Variants in WDR36 observed in about 807,000 individuals in gnomAD.
The protein encoded by WDR36 is WD repeat domain 36.
In WDR36, 63 loss-of-function variants were observed where a neutral mutation model predicts 112.7. The ratio of observed to expected loss-of-function variants is 0.56; its 90% CI spans 0.46 to 0.69. WDR36 has a LOEUF of 0.69. Ranked by LOEUF, WDR36 falls within the 30% of genes least tolerant of loss-of-function variation. The pLI is 0.00. For missense variants in WDR36, 1,226 were observed against 1,070.3 expected (o/e 1.15, Z -2.03); for synonymous variants, 410 against 362.2 (o/e 1.13, Z -1.50).
chr5:111,108,769 T>A (rs1475653359), intron 12 of WDR36, among the ~76,000 whole-genome samples: 1 of 151,286 alleles, frequency 6.6e-6, no homozygotes, highest in East Asian at 1.9e-4. Context: ...CTAAGATCAA[T>A]GAAGCGAGTA....
Position 111,110,174 on chromosome 5 carries a change from T to G in WDR36, c.1327-15T>G. 1.3e-6 allele frequency: 2 copies of G among 1,582,388 alleles called. No individual in the cohort carries two copies. Among genetic ancestry groups the G allele is most frequent in the South Asian group, 1.1e-5 (1 of 90,350 alleles). On this transcript the variant is annotated splice_polypyrimidine_tract_variant and intron_variant, in intron 12 of 22. Transcript: ENST00000513710. ...TGTTAGTTATTTTGTCATTTGTGGG[T>G]TTTTTTTCTTAAAGGCAGTGGATAT...
intron 17 of WDR36, 76 bp downstream of exon 17, chr5:111,119,196 C>A: frequency 2.6e-6 from 3 of 1,161,806 alleles, no homozygotes; most frequent in South Asian, 1.2e-5. Flanking sequence ...CTAAAATTGT[C>A]ATTTAGGCTG....
At chr5:111,113,407 C>G (rs552659904) in intron 16 of WDR36, among the ~76,000 whole-genome samples, 2 of 148,922 alleles carry the variant, frequency 1.3e-5, no homozygotes, top group East Asian at 3.9e-4. Flanking sequence ...GATACAGAAG[C>G]GAGATGCCTA....
chr5:111,104,404 G>A, intron 8 of WDR36, 52 bp downstream of exon 8: 1 of 1,606,208 alleles, frequency 6.2e-7, no homozygotes, highest in Non-Finnish European at 8.5e-7. Context: ...TACCCTTTGG[G>A]TTATTACAAG....
Position 111,126,640 on chromosome 5 carries a change from G to A in WDR36, c.2539-94G>A, listed in dbSNP as rs1360649500. 7 of 1,347,700 alleles carry A rather than the reference G, an allele frequency of 5.2e-6. No individual in the cohort carries two copies. The Admixed American group carries it at 5.4e-5, about 10-fold the overall frequency. The allele number at this position is 1,347,700 out of a possible 1,614,324, so 83.5% of individuals were successfully genotyped here. On this transcript the variant is annotated intron_variant, in intron 22 of 22. Transcript: ENST00000513710. The stretch of plus-strand genomic sequence containing the variant: ...GCTTAAGAAAACAAATATTCACCTA[G>A]TGTCTTTTGTGGTTCCTTGGTAGAA...
Position 111,126,878 on chromosome 5 carries a change from T to C in WDR36, c.2683T>C (p.Leu895=). 1.3e-6 allele frequency: 2 copies of C among 1,598,262 alleles called. No individual in the cohort carries two copies. The highest frequency in any genetic ancestry group is 1.7e-6 in the Non-Finnish European group (2 of 1,172,478). ...CILNYLKSAL[L] ...TTTAAATTATCTCAAAAGTGCTTTG[T>C]TGTAAAAATAAATTTGTGACTAAAC... Residue 895 remains leucine, a synonymous_variant, in exon 23 of 23, where the codon TTG becomes CTG. Transcript: ENST00000513710.
chr5:111,100,408 C>G (rs1304778454), intron 4 of WDR36, among the ~76,000 whole-genome samples, 181 bp from the exon 5 acceptor site: 1 of 151,772 alleles, frequency 6.6e-6, no homozygotes, highest in African/African-American at 2.4e-5. Flanking sequence ...ATTACATTTA[C>G]AAGTTGCCTC....
At chr5:111,122,722 C>T (rs965576852) in intron 19 of WDR36, among the ~76,000 whole-genome samples, 1 of 152,176 alleles carries the variant, frequency 6.6e-6, no homozygotes, top group South Asian at 2.1e-4. Flanking sequence ...TAGAATGTCT[C>T]CCTAGGGCGG....
chr5:111,114,175 TTAAG>T (rs1310569531), intron 16 of WDR36, among the ~76,000 whole-genome samples: 1 of 152,166 alleles, frequency 6.6e-6, no homozygotes, highest in East Asian at 1.9e-4. Context: ...TTGTTAAAAA[TTAAG>T]TAGGTATAGA....
At chr5:111,115,051 A>G (rs2112582882) in intron 16 of WDR36, among the ~76,000 whole-genome samples, 2 of 152,322 alleles carry the variant, frequency 1.3e-5, no homozygotes, top group South Asian at 2.1e-4. Context: ...ACAGATTCAA[A>G]TCTGATAGAT....
intron 14 of WDR36, 39 bp downstream of exon 14, chr5:111,110,992 T>C (rs1182243339): frequency 6.2e-7 from 1 of 1,607,762 alleles, no homozygotes; most frequent in Admixed American, 1.7e-5. Context: ...CTTTGATTCT[T>C]TTGGTAAAAG....
chr5:111,120,687 A>G lies in WDR36; in HGVS notation c.2002+94A>G, dbSNP rs1753546275. 5.8e-6 allele frequency: 6 copies of G among 1,037,620 alleles called. No homozygotes were observed. The East Asian group carries it at 7.2e-5, about 12-fold the overall frequency. 64.3% of individuals were successfully genotyped at this position (1,037,620 alleles called of 1,614,324 possible). ...CCAAAGGCAAAGTTTAGTGCATTCA[A>G]TCAAAGTGTTTTTTAACTGATATAA... On this transcript the variant is annotated intron_variant, in intron 18 of 22. Transcript: ENST00000513710.
intron 2 of WDR36, among the ~76,000 whole-genome samples, chr5:111,096,175 G>A (rs1752974372): frequency 6.6e-6 from 1 of 152,150 alleles, no homozygotes; most frequent in Non-Finnish European, 1.5e-5. Flanking sequence ...AGGTCAGTGT[G>A]ACCAGGATAC....
chr5:111,093,382 C>T (rs1752909810), intron 1 of WDR36, among the ~76,000 whole-genome samples: 2 of 152,142 alleles, frequency 1.3e-5, no homozygotes, highest in Admixed American at 1.3e-4. Flanking sequence ...TAAGTACTTT[C>T]TTTTCTGGAA....
chr5:111,103,668 A>G (rs764532857), intron 6 of WDR36, 118 bp from the exon 7 acceptor site: 1 of 1,327,336 alleles, frequency 7.5e-7, no homozygotes, highest in Non-Finnish European at 1.1e-6. Flanking sequence ...TTTTTCTGCC[A>G]TCTTTTAGAA....
chr5:111,121,079 G>A lies in WDR36; in HGVS notation c.2086G>A (p.Val696Met), dbSNP rs1390681793. ...GCCAGAACAGTTGAATGAGCAATTG[G>A]TGACTCTTTCACTTCTTCCTGAATC... ...DSPEQLNEQL[V>M]TLSLLPESRW... Residue 696 changes from valine to methionine, a missense_variant, in exon 19 of 23, where the codon GTG (valine) becomes ATG (methionine). Val to Met is a conservative substitution (Grantham distance 21). Coordinates refer to ENST00000513710, the MANE Select transcript of WDR36 (RefSeq NM_139281.3). 1 of 1,613,528 alleles carries A rather than the reference G, an allele frequency of 6.2e-7. No homozygotes were observed. The highest frequency in any genetic ancestry group is 1.7e-5 in the Admixed American group (1 of 60,014).
intron 15 of WDR36, chr5:111,111,560 A>T: frequency 3.0e-6 from 1 of 332,198 alleles, no homozygotes; most frequent in Admixed American, 4.3e-5. Flanking sequence ...ATTGGTATAT[A>T]TGTCATTCTT....
At chr5:111,117,649 T>G (rs946079170) in intron 16 of WDR36, among the ~76,000 whole-genome samples, 2 of 152,182 alleles carry the variant, frequency 1.3e-5, no homozygotes, top group Non-Finnish European at 2.9e-5. Context: ...TCCGCCTTAA[T>G]AGGGTTTGTG....
chr5:111,095,062 A>T, intron 2 of WDR36, 115 bp downstream of exon 2: 2 of 932,114 alleles, frequency 2.1e-6, no homozygotes, highest in Non-Finnish European at 3.3e-6. Context: ...ATGTCTTATA[A>T]ACTTACATTA....
Sources: allele counts gnomAD v4.1 joint callset (sites outside exome capture counted in the v4.1 genomes callset), GRCh38; gene constraint gnomAD v4.1.1; transcripts MANE v1.5; gene names NCBI Gene and HGNC (gene_info 2026-07-23, HGNC 2026-07-21).